APOA2: variants seen among roughly 807,000 people sequenced by gnomAD.
The protein encoded by APOA2 is apolipoprotein A-II.
In APOA2, 3 loss-of-function variants were observed where a neutral mutation model predicts 7.4. The observed-to-expected ratio is 0.41, with a 90% CI of 0.18 to 1.05. The LOEUF (loss-of-function observed/expected upper bound fraction) is 1.05. APOA2 is among the 50% of genes least tolerant of loss of function. The pLI is 0.33. For synonymous variants in APOA2, 42 were observed against 47.8 expected (o/e 0.88, Z 0.50); for missense variants, 90 against 116.3 (o/e 0.77, Z 1.04).
At chr1:161,222,597 G>T in intron 3 of APOA2, 75 bp from the exon 4 acceptor site, 1 of 1,348,232 alleles carries the variant, frequency 7.4e-7, no homozygotes, top group Non-Finnish European at 1.1e-6. Context: ...GTGGTGGGAG[G>T]TCAGAGCAGA....
rs376346373 is a variant in APOA2 at position 161,222,905 on chromosome 1, C to T, written c.185+13G>A. ...AGTTCCACAGCCCCTGAACCCCTTG[C>T]CCTGAGACTTACTTGGCCTCGGCCT... On this transcript the variant is annotated intron_variant, in intron 3 of 3. Coordinates refer to ENST00000367990, the MANE Select transcript of APOA2 (RefSeq NM_001643.2). 20 of 1,614,086 alleles carry T rather than the reference C, an allele frequency of 1.2e-5. No individual in the cohort carries two copies. In the African/African-American group the frequency reaches 2.3e-4, roughly 18 times the overall value.
intron 3 of APOA2, 106 bp from the exon 4 acceptor site, chr1:161,222,628 C>G: frequency 2.8e-6 from 3 of 1,081,804 alleles, no homozygotes; most frequent in Non-Finnish European, 4.3e-6. Flanking sequence ...TCCCCAAACT[C>G]TAGTGCCTGG....
intron 3 of APOA2, 90 bp from the exon 4 acceptor site, chr1:161,222,612 C>G (rs531133229): frequency 2.5e-6 from 3 of 1,194,494 alleles, no homozygotes; most frequent in African/African-American, 3.0e-5. Flanking sequence ...AGCAGACTGA[C>G]TCAGGTCCCC....
intron 2 of APOA2, 112 bp from the exon 3 acceptor site, chr1:161,223,162 G>C: frequency 6.3e-7 from 1 of 1,579,362 alleles, no homozygotes; most frequent in Non-Finnish European, 8.6e-7. Context: ...ACCCACCCCA[G>C]CTCTCTGCCC....
intron 3 of APOA2, 46 bp downstream of exon 3, chr1:161,222,872 C>T: frequency 6.2e-7 from 1 of 1,614,112 alleles, no homozygotes; most frequent in Non-Finnish European, 8.5e-7. Flanking sequence ...TCCCTTCTTT[C>T]TCTCCACAGT....
In APOA2 at chr1:161,222,972, T is replaced by C. The variant is rs1393943609; in HGVS notation, c.131A>G (p.Tyr44Cys). The C allele has an allele frequency of 1.2e-6, 2 of 1,613,878 alleles. No homozygotes were observed. The highest frequency in any genetic ancestry group is 2.7e-5 in the African/African-American group (2 of 74,852). The part of the protein sequence containing the change: ...VSQYFQTVTD[Y>C]GKDLMEKVKS... ...GACCTTCTCCATCAGGTCCTTGCCA[T>C]AGTCAGTCACGGTCTGGAAGTACTG... is the stretch of plus-strand genomic sequence containing the variant. Residue 44 changes from tyrosine (Y) to cysteine (C), a missense_variant, in exon 3 of 4, where the codon TAT becomes TGT. Physicochemically the swap from Tyr to Cys is radical, Grantham distance 194. Coordinates refer to ENST00000367990, the MANE Select transcript of APOA2 (RefSeq NM_001643.2).
Position 161,223,067 on chromosome 1 carries a change from AC to A in APOA2, c.53-18del, listed in dbSNP as rs766963485. ...CCAAAGCTCCTGCCCACACACACAC[AC>A]ACACACACACACACACACACACACA... is the stretch of plus-strand genomic sequence containing the variant. On this transcript the variant is annotated intron_variant, in intron 2 of 3. Coordinates refer to ENST00000367990, the MANE Select transcript of APOA2 (RefSeq NM_001643.2). The A allele has an allele frequency of 6.4e-5, 54 of 842,398 alleles. No individual in the cohort carries two copies. In the Middle Eastern group the frequency reaches 2.9e-3, roughly 46 times the overall value. 52.2% of individuals were successfully genotyped at this position (842,398 alleles called of 1,614,324 possible).
At position 161,223,004 on chromosome 1, in the gene APOA2, C is replaced by A; in HGVS notation, c.99G>T (p.Leu33=). The part of the protein sequence containing the change: ...RQAKEPCVES[L]VSQYFQTVTD... ...TCACGGTCTGGAAGTACTGAGAAACCAGGCTCTCCACACATGGCTCCTTTG... is the reference window on the plus strand; with the variant it reads ...TCACGGTCTGGAAGTACTGAGAAACAAGGCTCTCCACACATGGCTCCTTTG... The change falls in exon 3 of 4, where the codon CTG becomes CTT. Residue 33 remains leucine, a synonymous_variant. Coordinates refer to ENST00000367990, the MANE Select transcript of APOA2 (RefSeq NM_001643.2). 1.2e-6 allele frequency: 2 copies of A among 1,613,936 alleles called. No homozygotes were observed. Among genetic ancestry groups the A allele is most frequent in the Non-Finnish European group, 1.7e-6 (2 of 1,180,012 alleles).
At position 161,222,942 on chromosome 1, in the gene APOA2, C is replaced by A; in HGVS notation, c.161G>T (p.Ser54Ile). Residue 54 changes from serine (S) to isoleucine (I), a missense_variant, in exon 3 of 4, where the codon AGC becomes ATC. By Grantham distance (142) the Ser-to-Ile change is moderately radical (BLOSUM62 -2). Coordinates refer to ENST00000367990, the MANE Select transcript of APOA2 (RefSeq NM_001643.2). Reference protein sequence around the residue: ...YGKDLMEKVKSPELQAEAKSY... With the variant: ...YGKDLMEKVKIPELQAEAKSY... Reference sequence around the variant, plus strand: ...CTTGGCCTCGGCCTGAAGCTCTGGGCTCTTGACCTTCTCCATCAGGTCCTT... The same window carrying A: ...CTTGGCCTCGGCCTGAAGCTCTGGGATCTTGACCTTCTCCATCAGGTCCTT... The A allele has an allele frequency of 5.0e-6, 8 of 1,614,184 alleles. No homozygotes were observed. Among genetic ancestry groups the A allele is most frequent in the Non-Finnish European group, 6.8e-6 (8 of 1,180,032 alleles).
Position 161,222,424 on chromosome 1 carries a change from G to T in APOA2, c.284C>A (p.Thr95Lys), listed in dbSNP as rs1288140955. The T allele has an allele frequency of 6.2e-7, 1 of 1,614,164 alleles. No individual in the cohort carries two copies. The highest frequency in any genetic ancestry group is 8.5e-7 in the Non-Finnish European group (1 of 1,179,998). ...GACACTTCACTGGGTGGCAGGCTGT[G>T]TTCCAAGTTCCACGAAATAGCTCAA... is the stretch of plus-strand genomic sequence containing the variant. ...NFLSYFVELG[T>K]QPATQ is the part of the protein sequence containing the mutation. The change falls in exon 4 of 4, where the codon ACA (threonine) becomes AAA (lysine). Residue 95 changes from threonine to lysine, a missense_variant. Thr to Lys is a moderately conservative substitution (Grantham distance 78). Coordinates refer to ENST00000367990, the MANE Select transcript of APOA2 (RefSeq NM_001643.2).
At chr1:161,222,864 C>G (rs923878174) in intron 3 of APOA2, 54 bp downstream of exon 3, 41 of 1,613,840 alleles carry the variant, frequency 2.5e-5, no homozygotes, top group Non-Finnish European at 3.5e-5. Context: ...TCTCATCTTC[C>G]CTTCTTTCTC....
chr1:161,222,612 C>T, intron 3 of APOA2, 90 bp from the exon 4 acceptor site: 1 of 1,194,494 alleles, frequency 8.4e-7, no homozygotes, highest in Non-Finnish European at 1.2e-6. Context: ...AGCAGACTGA[C>T]TCAGGTCCCC....
At chr1:161,222,790 T>C in intron 3 of APOA2, 128 bp downstream of exon 3, 1 of 1,385,576 alleles carries the variant, frequency 7.2e-7, no homozygotes, top group East Asian at 2.3e-5. Flanking sequence ...GAAATACTTT[T>C]TCTCTGCAAT....
chr1:161,222,820 AT>A, intron 3 of APOA2, 97 bp downstream of exon 3: 16 of 1,584,574 alleles, frequency 1.0e-5, no homozygotes, highest in Non-Finnish European at 1.1e-5. Flanking sequence ...ATCTGCCCTA[AT>A]CCCCACCCCT....
Position 161,222,507 on chromosome 1 carries a change from CT to C in APOA2, c.200del (p.Lys67SerfsTer6), listed in dbSNP as rs1666186791. ...LQAEAKSYFE[K>X]SKEQLTPLIK... ...TCAGGGGTGTCAGCTGCTCCTTTGA[CT>C]TTTCAAAGTAAGACCTGGATAGGTG... is the stretch of plus-strand genomic sequence containing the variant. On this transcript the variant is annotated frameshift_variant, in exon 4 of 4. Coordinates refer to ENST00000367990, the MANE Select transcript of APOA2 (RefSeq NM_001643.2). LOFTEE classifies it low-confidence loss of function (END_TRUNC). 6.2e-7 allele frequency: 1 copy of C among 1,613,948 alleles called. No homozygotes were observed. Among genetic ancestry groups the C allele is most frequent in the Non-Finnish European group, 8.5e-7 (1 of 1,179,920 alleles).
Position 161,222,330 on chromosome 1 carries a change from GGGAC to G in APOA2, c.*71_*74del. ...CATTTATTGTAGCAAAGAGTGGGTA[GGGAC>G]AGGAGCTCTAGGACTGGCCAGTGGG... On this transcript the variant is annotated 3_prime_UTR_variant, in exon 4 of 4. Coordinates refer to ENST00000367990, the MANE Select transcript of APOA2 (RefSeq NM_001643.2). 1 of 1,068,406 alleles carries G rather than the reference GGGAC, an allele frequency of 9.4e-7. No individual in the cohort carries two copies. Among genetic ancestry groups the G allele is most frequent in the East Asian group, 2.4e-5 (1 of 42,062 alleles). 66.2% of individuals were successfully genotyped at this position (1,068,406 alleles called of 1,614,324 possible). A position where few individuals can be genotyped will look rare whatever the true frequency, so the allele number is the denominator to read the frequency against.
intron 1 of APOA2, 76 bp from the exon 2 acceptor site, chr1:161,223,501 C>A: frequency 8.0e-7 from 1 of 1,242,936 alleles, no homozygotes. Context: ...GATCTCCCTA[C>A]CTGCTGCCCA....
intron 1 of APOA2, 76 bp downstream of exon 1, chr1:161,223,513 TCCAACC>T: frequency 2.7e-6 from 3 of 1,095,362 alleles, no homozygotes; most frequent in Non-Finnish European, 4.1e-6. Flanking sequence ...TGCTGCCCAT[TCCAACC>T]TGGCTCTCTC....
Position 161,222,390 on chromosome 1 carries a change from A to C in APOA2, c.*15T>G. On this transcript the variant is annotated 3_prime_UTR_variant, in exon 4 of 4. Coordinates refer to ENST00000367990, the MANE Select transcript of APOA2 (RefSeq NM_001643.2). ...TAGAGGCCAGCTGGGGTTGGAAGAC[A>C]ATGGTCTGGACACTTCACTGGGTGG... 1.2e-6 allele frequency: 2 copies of C among 1,609,734 alleles called. No homozygotes were observed. The highest frequency in any genetic ancestry group is 3.3e-5 in the Admixed American group (2 of 59,992).
Sources: allele counts gnomAD v4.1 joint callset, GRCh38; gene constraint gnomAD v4.1.1; transcripts MANE v1.5; gene names NCBI Gene and HGNC (gene_info 2026-07-23, HGNC 2026-07-21).